VPS13A: variants seen among roughly 807,000 people sequenced by gnomAD.
VPS13A encodes the protein intermembrane lipid transfer protein VPS13A.
A neutral mutation model predicts 390.9 loss-of-function variants in VPS13A; 264 were observed. That is an observed-to-expected ratio of 0.68 (90% CI 0.61 to 0.75). The LOEUF (loss-of-function observed/expected upper bound fraction) is 0.75. Ranked by LOEUF, VPS13A falls within the 30% of genes least tolerant of loss-of-function variation. VPS13A has a pLI of 0.00. For missense variants in VPS13A, 3,409 were observed against 3,733.9 expected (o/e 0.91, Z 2.27); for synonymous variants, 1,231 against 1,227.1 (o/e 1.00, Z -0.07).
chr9:77,291,072 G>A (rs1827625452), intron 31 of VPS13A, among the ~76,000 whole-genome samples: 1 of 152,162 alleles, frequency 6.6e-6, no homozygotes, highest in Admixed American at 6.5e-5. Flanking sequence ...ACCGGTCTGT[G>A]ACCTGTTAGG....
chr9:77,226,359 A>C, intron 14 of VPS13A, 107 bp from the exon 15 acceptor site: 2 of 1,048,844 alleles, frequency 1.9e-6, no homozygotes, highest in South Asian at 1.4e-5. Context: ...TATTGTTTAC[A>C]TTCATTTTGC....
At chr9:77,347,493 T>C (rs1210623008) in intron 52 of VPS13A, among the ~76,000 whole-genome samples, 1 of 152,156 alleles carries the variant, frequency 6.6e-6, no homozygotes, top group Non-Finnish European at 1.5e-5. Context: ...TTGTTTTGTT[T>C]TGAGACAGTG....
intron 54 of VPS13A, among the ~76,000 whole-genome samples, chr9:77,355,230 C>G (rs571038029): frequency 1.3e-5 from 2 of 152,190 alleles, no homozygotes; most frequent in African/African-American, 4.8e-5. Flanking sequence ...TTTCAACACA[C>G]CATGAAACTG....
Position 77,420,823 on chromosome 9 carries a change from T to C in VPS13A, c.*4817T>C, listed in dbSNP as rs1207905201. On this transcript the variant is annotated 3_prime_UTR_variant, in exon 72 of 72. Coordinates refer to ENST00000360280, the MANE Select transcript of VPS13A (RefSeq NM_033305.3). ...CATGTTGGAAAATCCCAACATTTCC[T>C]GTTATGCCGTCATACCTCCGGTGTT... 6.6e-6 allele frequency: 1 copy of C among 152,216 alleles called. No individual in the cohort carries two copies. The highest frequency in any genetic ancestry group is 1.9e-4 in the East Asian group (1 of 5,198). 9.4% of individuals were successfully genotyped at this position (152,216 alleles called of 1,614,324 possible). A position where few individuals can be genotyped will look rare whatever the true frequency, so the allele number is the denominator to read the frequency against.
At chr9:77,374,375 C>T (rs1832960072) in intron 67 of VPS13A, among the ~76,000 whole-genome samples, 1 of 152,132 alleles carries the variant, frequency 6.6e-6, no homozygotes, top group Non-Finnish European at 1.5e-5. Flanking sequence ...TACTTGAACA[C>T]AAGCACTGTA....
intron 13 of VPS13A, among the ~76,000 whole-genome samples, chr9:77,224,199 A>G (rs1345506731): frequency 6.6e-6 from 1 of 152,222 alleles, no homozygotes. Context: ...TGATAGAGAT[A>G]TACAAAGAGA....
intron 59 of VPS13A, 88 bp downstream of exon 59, chr9:77,360,729 G>T: frequency 9.8e-7 from 1 of 1,016,548 alleles, no homozygotes; most frequent in Non-Finnish European, 1.5e-6. Flanking sequence ...TGACTTTGTT[G>T]CATTTTAAAA....
intron 68 of VPS13A, chr9:77,384,990 G>T: frequency 1.9e-6 from 2 of 1,065,466 alleles, no homozygotes; most frequent in Admixed American, 4.9e-5. Context: ...ATGTTCACTG[G>T]TTTTATTTTA....
At position 77,220,687 on chromosome 9, in the gene VPS13A, T is replaced by C. The variant is rs56321547; in HGVS notation, c.989+304T>C. On this transcript the variant is annotated intron_variant, in intron 12 of 71. Coordinates refer to ENST00000360280, the MANE Select transcript of VPS13A (RefSeq NM_033305.3). ...ACAAATCCTGGTTTGTTTTCTTGCATTGTCTCTCCCCAACCCCCACCTCAG... is the reference window on the plus strand; with the variant it reads ...ACAAATCCTGGTTTGTTTTCTTGCACTGTCTCTCCCCAACCCCCACCTCAG... Among the ~76,000 whole-genome samples, 12,134 of 152,084 alleles carry C rather than the reference T, an allele frequency of 0.08. 602 individuals are homozygous for C. Among genetic ancestry groups the C allele is most frequent in the East Asian group, 0.12 (608 of 5,180 alleles).
chr9:77,283,625 C>A lies in VPS13A; in HGVS notation c.3314C>A (p.Ser1105Tyr). The A allele has an allele frequency of 6.2e-7, 1 of 1,610,874 alleles. No homozygotes were observed. Among genetic ancestry groups the A allele is most frequent in the African/African-American group, 1.3e-5 (1 of 74,936 alleles). ...CTAAGGAATATAATTGTTTTAGATT[C>A]TGATATAACAGCTATATACAAAAAG... ...AKLRNIIVLD[S>Y]DITAIYKKAV... The change falls in exon 31 of 72, where the codon TCT (serine) becomes TAT (tyrosine). Residue 1105 changes from serine to tyrosine, a missense_variant. Ser to Tyr is a moderately radical substitution (Grantham distance 144). Around this residue, in one of 5 missense-constraint regions of VPS13A, gnomAD observed 2,717 missense variants for 2,917.4 expected, o/e 0.93. Coordinates refer to ENST00000360280, the MANE Select transcript of VPS13A (RefSeq NM_033305.3).
chr9:77,267,059 C>G (rs1459151966), intron 23 of VPS13A, among the ~76,000 whole-genome samples: 1 of 151,956 alleles, frequency 6.6e-6, no homozygotes, highest in African/African-American at 2.4e-5. Context: ...GTTAGCATTT[C>G]CTCTAACCTT....
At chr9:77,387,003 C>T (rs557598021) in intron 68 of VPS13A, among the ~76,000 whole-genome samples, 45 of 152,150 alleles carry the variant, frequency 3.0e-4, no homozygotes, top group South Asian at 1.7e-3. Context: ...CGCACCCAGC[C>T]GAGATCTGCT....
rs767101054 is a variant in VPS13A, at chr9:77,337,387, A to G, written c.6228A>G (p.Ser2076=). The G allele has an allele frequency of 4.3e-6, 7 of 1,612,822 alleles. No homozygotes were observed. Among genetic ancestry groups the G allele is most frequent in the Non-Finnish European group, 5.9e-6 (7 of 1,179,026 alleles). ...KCRSKNPSKE[S]FLINIVPEKD... The stretch of plus-strand genomic sequence containing the variant: ...GATCTAAAAACCCTTCTAAGGAATC[A>G]TTTCTCATTAATATTGTTCCAGAAA... Residue 2076 remains serine, a synonymous_variant, in exon 47 of 72, where the codon TCA becomes TCG. Transcript: ENST00000360280.
chr9:77,379,626 G>A (rs372803999), intron 67 of VPS13A, among the ~76,000 whole-genome samples: 1 of 151,676 alleles, frequency 6.6e-6, no homozygotes. Context: ...TGACCACCTC[G>A]GCCTCGCAAA....
chr9:77,302,666 G>C (rs1195497982), intron 33 of VPS13A, among the ~76,000 whole-genome samples: 1 of 151,998 alleles, frequency 6.6e-6, no homozygotes, highest in Non-Finnish European at 1.5e-5. Flanking sequence ...AAGCTACTGT[G>C]CGTAGCTCTA....
intron 71 of VPS13A, among the ~76,000 whole-genome samples, chr9:77,414,722 TA>T (rs1835095416): frequency 7.1e-6 from 1 of 141,578 alleles, no homozygotes. Context: ...ACATGTACCC[TA>T]AAACTTGAAG....
In VPS13A at chr9:77,340,176, A is replaced by G; in HGVS notation, c.6775-2A>G. 1.9e-6 allele frequency: 3 copies of G among 1,612,228 alleles called. No homozygotes were observed. The highest frequency in any genetic ancestry group is 2.5e-6 in the Non-Finnish European group (3 of 1,178,898). On this transcript the variant is annotated splice_acceptor_variant, in intron 48 of 71. Coordinates refer to ENST00000360280, the MANE Select transcript of VPS13A (RefSeq NM_033305.3). LOFTEE classifies it high-confidence loss of function. ...GATGTATTTGGAATATTTTTTTCCT[A>G]GGTTCAACTTATGGTAACTGATAGT...
intron 1 of VPS13A, among the ~76,000 whole-genome samples, chr9:77,182,569 G>C (rs1018371722): frequency 6.6e-6 from 1 of 152,138 alleles, no homozygotes; most frequent in African/African-American, 2.4e-5. Flanking sequence ...CATTTTAAGA[G>C]AACATTAAGG....
intron 5 of VPS13A, among the ~76,000 whole-genome samples, chr9:77,207,103 A>G (rs1256348380): frequency 6.8e-6 from 1 of 146,728 alleles, no homozygotes; most frequent in African/African-American, 2.5e-5. Flanking sequence ...AAAGTTAAGC[A>G]GTATTATAGT....
Sources: gnomAD v4.1 joint callset for allele counts (sites outside exome capture counted in the v4.1 genomes callset) on GRCh38, gnomAD v4.1.1 for gene constraint, gnomAD v4.1.1 regional missense constraint, MANE v1.5 for transcripts, NCBI Gene and HGNC (gene_info 2026-07-23, HGNC 2026-07-21) for gene names.